Variants in E2F3 observed in about 807,000 individuals in gnomAD.
The protein encoded by E2F3 is transcription factor E2F3.
E2F3 carries 11 observed loss-of-function variants against 44.4 expected under a neutral mutation model. The observed-to-expected ratio is 0.25, with a 90% CI of 0.16 to 0.41. The LOEUF (loss-of-function observed/expected upper bound fraction) is 0.41, where lower values mean the gene tolerates loss of function less well. Among genes scored for constraint, E2F3 ranks in the 10% least tolerant of loss-of-function variants. E2F3 has a pLI of 1.00. For synonymous variants in E2F3, 249 were observed against 253.0 expected, an observed-to-expected ratio of 0.98 and a Z score of 0.15; for missense variants, 487 against 583.6, an observed-to-expected ratio of 0.83 and a Z score of 1.70.
At chr6:20,444,874 G>A (rs1035699084) in intron 1 of E2F3, among the ~76,000 whole-genome samples, 6 of 152,362 alleles carry the variant, frequency 3.9e-5, no homozygotes, top group East Asian at 1.9e-4. Flanking sequence ...GGACTGGGAT[G>A]TGGACCTCTG....
At chr6:20,489,445 G>A (rs777864390) in intron 6 of E2F3, among the ~76,000 whole-genome samples, 31 of 151,370 alleles carry the variant, frequency 2.0e-4, no homozygotes, top group Admixed American at 3.9e-4. Flanking sequence ...ACACTCCAGC[G>A]TAGACAACAT....
chr6:20,441,735 T>A lies in E2F3; in HGVS notation c.394-38111T>A, dbSNP rs531674030. On this transcript the variant is annotated intron_variant, in intron 1 of 6. Coordinates refer to ENST00000346618, the MANE Select transcript of E2F3 (RefSeq NM_001949.5). ...GATCACGCGTGGGTAATTTTTTTTT[T>A]TTTTTTTTTTTTAGTACAGACAGCG... Among the ~76,000 whole-genome samples the A allele has an allele frequency of 5.0e-3, 748 of 151,048 alleles. 3 individuals carry two copies. The highest frequency in any genetic ancestry group is 0.026 in the South Asian group (124 of 4,776).
At chr6:20,418,405 G>C (rs1223513596) in intron 1 of E2F3, among the ~76,000 whole-genome samples, 2 of 152,186 alleles carry the variant, frequency 1.3e-5, no homozygotes, top group Non-Finnish European at 2.9e-5. Flanking sequence ...TTGGCTGTCT[G>C]TTTTAGCTAA....
chr6:20,450,472 G>T (rs1761093419), intron 1 of E2F3, among the ~76,000 whole-genome samples: 1 of 152,036 alleles, frequency 6.6e-6, no homozygotes, highest in African/African-American at 2.4e-5. Flanking sequence ...TAATGGGGCT[G>T]TTTGTTTTTT....
intron 4 of E2F3, among the ~76,000 whole-genome samples, 172 bp from the exon 5 acceptor site, chr6:20,486,517 C>A (rs978697134): frequency 2.6e-5 from 4 of 152,144 alleles, no homozygotes; most frequent in African/African-American, 9.7e-5. Context: ...CATGATCCAC[C>A]CGCCTCGGCC....
chr6:20,479,652 A>G (rs1762157289), intron 1 of E2F3, among the ~76,000 whole-genome samples, 194 bp from the exon 2 acceptor site: 1 of 152,214 alleles, frequency 6.6e-6, no homozygotes, highest in Non-Finnish European at 1.5e-5. Flanking sequence ...GCAGGTGAAG[A>G]GAGTGTGCAT....
At chr6:20,434,797 A>G (rs1451025512) in intron 1 of E2F3, among the ~76,000 whole-genome samples, 1 of 152,196 alleles carries the variant, frequency 6.6e-6, no homozygotes, top group Non-Finnish European at 1.5e-5. Flanking sequence ...CTTGGTATGA[A>G]TGAGCACTGG....
At chr6:20,424,033 G>A (rs1760119483) in intron 1 of E2F3, among the ~76,000 whole-genome samples, 1 of 152,148 alleles carries the variant, frequency 6.6e-6, no homozygotes, top group Non-Finnish European at 1.5e-5. Flanking sequence ...GCCTCCCAAA[G>A]TGCTGGGATT....
intron 1 of E2F3, among the ~76,000 whole-genome samples, chr6:20,429,111 TC>T (rs1760312791): frequency 6.6e-6 from 1 of 152,150 alleles, no homozygotes; most frequent in Admixed American, 6.5e-5. Context: ...TGTGACAGCC[TC>T]CCCACAACAA....
intron 1 of E2F3, among the ~76,000 whole-genome samples, chr6:20,424,319 C>T (rs1760134358): frequency 7.2e-6 from 1 of 139,742 alleles, no homozygotes; most frequent in Non-Finnish European, 1.5e-5. Flanking sequence ...TTGGATGGTT[C>T]CGCTTTCCCC....
chr6:20,480,268 T>A (rs555128419), intron 2 of E2F3, among the ~76,000 whole-genome samples: 1 of 152,204 alleles, frequency 6.6e-6, no homozygotes, highest in African/African-American at 2.4e-5. Context: ...TGGACATTGC[T>A]TCAGAGTCTG....
chr6:20,462,490 C>G (rs1048462919), intron 1 of E2F3, among the ~76,000 whole-genome samples: 1 of 150,054 alleles, frequency 6.7e-6, no homozygotes, highest in Non-Finnish European at 1.5e-5. Context: ...CAGAGTCTCA[C>G]TCTGTCACCC....
chr6:20,432,285 G>T (rs1296278405), intron 1 of E2F3, among the ~76,000 whole-genome samples: 1 of 151,564 alleles, frequency 6.6e-6, no homozygotes, highest in Non-Finnish European at 1.5e-5. Flanking sequence ...CCTTGGGGAG[G>T]GGGGTCTGTG....
chr6:20,470,657 G>A (rs915105750), intron 1 of E2F3, among the ~76,000 whole-genome samples: 1 of 152,038 alleles, frequency 6.6e-6, no homozygotes, highest in Non-Finnish European at 1.5e-5. Flanking sequence ...TTGGTTTTGA[G>A]ACAAAAGGTA....
chr6:20,473,407 A>G (rs1761952659), intron 1 of E2F3, among the ~76,000 whole-genome samples: 2 of 152,194 alleles, frequency 1.3e-5, no homozygotes, highest in African/African-American at 4.8e-5. Flanking sequence ...AGAATTAATA[A>G]TAGCCACCTT....
At chr6:20,484,815 C>T (rs569982613) in intron 4 of E2F3, among the ~76,000 whole-genome samples, 13 of 152,158 alleles carry the variant, frequency 8.5e-5, no homozygotes, top group African/African-American at 2.2e-4. Flanking sequence ...CAGCCAGGCA[C>T]GGTGGCTCAT....
Position 20,402,583 on chromosome 6 carries a change from A to T in E2F3, c.351A>T (p.Pro117=). Residue 117 remains proline, a synonymous_variant, in exon 1 of 7, where the codon CCA becomes CCT. Transcript: ENST00000346618. The surrounding 1 kb of genome is among the most constrained non-coding windows in gnomAD (Gnocchi z 5.6). ...GAGCCGGGCTGCTGCAGCAGCCACC[A>T]GCGCTGGGACGCGGCGGCAGCGGCG... ...SSRAGLLQQP[P]ALGRGGSGGG... 7.0e-7 allele frequency: 1 copy of T among 1,426,296 alleles called. No individual in the cohort carries two copies. Among genetic ancestry groups the T allele is most frequent in the South Asian group, 1.5e-5 (1 of 67,750 alleles). 88.4% of individuals were successfully genotyped at this position (1,426,296 alleles called of 1,614,324 possible).
chr6:20,482,214 A>G (rs544863754), intron 3 of E2F3, among the ~76,000 whole-genome samples: 1 of 152,266 alleles, frequency 6.6e-6, no homozygotes, highest in East Asian at 1.9e-4. Context: ...CATATTGTGC[A>G]CTAGTCTCAG....
At chr6:20,418,541 C>A (rs2127588836) in intron 1 of E2F3, among the ~76,000 whole-genome samples, 1 of 152,284 alleles carries the variant, frequency 6.6e-6, no homozygotes, top group East Asian at 1.9e-4. Context: ...AATCAGAGTT[C>A]TAAAGGCGGA....
Sources: gnomAD v4.1 joint callset for allele counts (sites outside exome capture counted in the v4.1 genomes callset) on GRCh38, gnomAD v4.1.1 for gene constraint, Gnocchi (gnomAD v3.1) non-coding constraint, MANE v1.5 for transcripts, NCBI Gene and HGNC (gene_info 2026-07-23, HGNC 2026-07-21) for gene names.